Variants in CDK5RAP2 observed in about 807,000 individuals in gnomAD.
CDK5RAP2 encodes the protein CDK5 regulatory subunit associated protein 2, also known as CDK5 regulatory subunit-associated protein 2.
Under a neutral mutation model 232.9 loss-of-function variants are expected in CDK5RAP2, and 147 were observed. The observed-to-expected ratio is 0.63, with a 90% CI of 0.55 to 0.72. CDK5RAP2 has a LOEUF of 0.72. Among genes scored for constraint, CDK5RAP2 ranks in the 30% least tolerant of loss-of-function variants. CDK5RAP2 has a pLI of 0.00. For missense variants in CDK5RAP2, 2,195 were observed against 2,231.5 expected (o/e 0.98, Z 0.33); for synonymous variants, 833 against 833.7 (o/e 1.00, Z 0.01).
chr9:120,512,594 T>C (rs1169952567), intron 12 of CDK5RAP2, among the ~76,000 whole-genome samples: 1 of 152,188 alleles, frequency 6.6e-6, no homozygotes, highest in East Asian at 1.9e-4. Context: ...GCTGAAAATA[T>C]ACCAATCTTC....
At chr9:120,415,245 C>T in intron 27 of CDK5RAP2, 86 bp from the exon 28 acceptor site, 1 of 1,488,108 alleles carries the variant, frequency 6.7e-7, no homozygotes. Context: ...TCCTGAAATT[C>T]CAAACAGTAT....
Position 120,539,097 on chromosome 9 carries a change from T to C in CDK5RAP2, c.451A>G (p.Lys151Glu). The C allele has an allele frequency of 3.7e-6, 6 of 1,614,020 alleles. No individual in the cohort carries two copies. Among genetic ancestry groups the C allele is most frequent in the Non-Finnish European group, 5.1e-6 (6 of 1,179,868 alleles). The change falls in exon 6 of 38, where the codon AAG becomes GAG. Residue 151 changes from lysine (K) to glutamate (E), a missense_variant. Lys to Glu is a moderately conservative substitution (Grantham distance 56). Transcript: ENST00000349780. ...AGATCTTCCACCTGCTGCACCTTCT[T>C]TCGAGCATCTTCTTTCACCCGCTGG... ...EIQRVKEDARKKVQQVEDLLT... is the reference protein window; with the variant it reads ...EIQRVKEDAREKVQQVEDLLT...
At chr9:120,556,364 A>G (rs931972622) in intron 3 of CDK5RAP2, among the ~76,000 whole-genome samples, 3 of 152,204 alleles carry the variant, frequency 2.0e-5, no homozygotes, top group Admixed American at 2.0e-4. Flanking sequence ...ATAAACACTC[A>G]TCACGTATTT....
intron 31 of CDK5RAP2, chr9:120,408,092 G>A: frequency 2.0e-6 from 1 of 512,154 alleles, no homozygotes; most frequent in Admixed American, 3.1e-5. Flanking sequence ...GCCTACTGAG[G>A]GTCACATAGC....
chr9:120,519,002 C>T (rs1285656915), intron 11 of CDK5RAP2, among the ~76,000 whole-genome samples: 5 of 151,822 alleles, frequency 3.3e-5, no homozygotes, highest in Admixed American at 3.3e-4. Context: ...CGGTGAAACC[C>T]CGTCTCTACT....
At chr9:120,393,887 C>G (rs1034274368) in intron 36 of CDK5RAP2, among the ~76,000 whole-genome samples, 2 of 152,196 alleles carry the variant, frequency 1.3e-5, no homozygotes, top group Admixed American at 6.5e-5. Context: ...CAGCCTCCCC[C>G]TCACTGGTGG....
At chr9:120,409,995 G>A (rs867391221) in intron 29 of CDK5RAP2, among the ~76,000 whole-genome samples, 91 of 152,316 alleles carry the variant, frequency 6.0e-4, no homozygotes, top group African/African-American at 1.9e-3. Context: ...AGCTTCATAA[G>A]GACGAGTTCC....
chr9:120,519,824 C>A (rs1468716798), intron 11 of CDK5RAP2, among the ~76,000 whole-genome samples: 1 of 152,032 alleles, frequency 6.6e-6, no homozygotes, highest in Non-Finnish European at 1.5e-5. Flanking sequence ...TTGAGAGATT[C>A]TCTCTGTTAT....
At chr9:120,476,855 C>T (rs1175614106) in intron 15 of CDK5RAP2, among the ~76,000 whole-genome samples, 1 of 152,122 alleles carries the variant, frequency 6.6e-6, no homozygotes. Context: ...CCCCACCACA[C>T]CTTGCTGGCA....
Position 120,453,525 on chromosome 9 carries a change from C to T in CDK5RAP2, c.2724G>A (p.Arg908=). 6.2e-7 allele frequency: 1 copy of T among 1,614,064 alleles called. No individual in the cohort carries two copies. The highest frequency in any genetic ancestry group is 8.5e-7 in the Non-Finnish European group (1 of 1,180,032). ...CAGGCACCCCGTGCAGGTTCTCTGG[C>T]CGATGCTCTGCGCTGAGTGCAGTGT... ...PINTALSAEH[R]PENLHGVPGW... is the part of the protein sequence containing the mutation. Residue 908 remains arginine, a synonymous_variant, in exon 21 of 38, where the codon CGG becomes CGA. Transcript: ENST00000349780.
chr9:120,408,554 AC>A, intron 30 of CDK5RAP2, 86 bp from the exon 31 acceptor site: 1 of 1,431,984 alleles, frequency 7.0e-7, no homozygotes, highest in South Asian at 1.2e-5. Flanking sequence ...GGCCAATTCC[AC>A]CCTCAGTCAC....
rs112850307 is a variant in CDK5RAP2 at position 120,578,626 on chromosome 9, G to A, written c.59+1294C>T. 1.3e-3 allele frequency among the ~76,000 whole-genome samples: 196 copies of A among 151,482 alleles called. 1 individual carries two copies. The highest frequency in any genetic ancestry group is 4.3e-3 in the African/African-American group (176 of 41,234). On this transcript the variant is annotated intron_variant, in intron 1 of 37. Transcript: ENST00000349780. ...TTGTCACCCAGGCTACAGTGCAGTG[G>A]CATGAACACAGCTCACTGCAGCATC...
intron 3 of CDK5RAP2, among the ~76,000 whole-genome samples, chr9:120,551,555 C>T (rs988661971): frequency 8.5e-5 from 13 of 152,162 alleles, no homozygotes; most frequent in Non-Finnish European, 2.9e-5. Flanking sequence ...TGTCTATAAC[C>T]TTTAACCTGT....
chr9:120,483,238 T>TCA lies in CDK5RAP2; in HGVS notation c.1626+4054_1626+4055dup, dbSNP rs1347774565. Among the ~76,000 whole-genome samples the TCA allele has an allele frequency of 2.0e-5, 3 of 152,344 alleles. No individual in the cohort carries two copies. The East Asian group carries it at 5.8e-4, about 29-fold the overall frequency. On this transcript the variant is annotated intron_variant, in intron 14 of 37. Transcript: ENST00000349780. ...ACCCCGCTCACCGCATTCCCCTGCC[T>TCA]CACCTGAGAACTGTCCCTAAAACAC...
At chr9:120,471,636 G>A (rs890140318) in intron 16 of CDK5RAP2, 112 bp downstream of exon 16, 38 of 1,486,036 alleles carry the variant, frequency 2.6e-5, no homozygotes, top group African/African-American at 2.2e-4. Context: ...ATCTCCAAAC[G>A]AAACCCCGTG....
chr9:120,415,385 A>G (rs2034151394), intron 27 of CDK5RAP2, among the ~76,000 whole-genome samples: 1 of 152,208 alleles, frequency 6.6e-6, no homozygotes, highest in Non-Finnish European at 1.5e-5. Flanking sequence ...GATATTTTAC[A>G]TCACATAGAA....
chr9:120,438,460 C>T (rs2131321452), intron 24 of CDK5RAP2, among the ~76,000 whole-genome samples: 1 of 152,228 alleles, frequency 6.6e-6, no homozygotes, highest in South Asian at 2.1e-4. Flanking sequence ...ACTGGAGTAA[C>T]ATGGGTAAAC....
intron 3 of CDK5RAP2, among the ~76,000 whole-genome samples, chr9:120,562,777 C>T (rs1433359636): frequency 6.6e-6 from 1 of 151,856 alleles, no homozygotes. Flanking sequence ...CCACAGTAGC[C>T]GCCCTGTTTG....
rs2041016826 is a variant in CDK5RAP2 at position 120,528,765 on chromosome 9, GTT to G, written c.856_857del (p.Asn286GlnfsTer3). 1 of 1,608,942 alleles carries G rather than the reference GTT, an allele frequency of 6.2e-7. No individual in the cohort carries two copies. Among genetic ancestry groups the G allele is most frequent in the Admixed American group, 1.7e-5 (1 of 59,994 alleles). On this transcript the variant is annotated frameshift_variant, in exon 9 of 38. Coordinates refer to ENST00000349780, the MANE Select transcript of CDK5RAP2 (RefSeq NM_018249.6). LOFTEE classifies it high-confidence loss of function. ...ATACCTGGATCCTCTCTTCAAAGCTGTTTCTCTCCTTCTGATGCTCCATTTGT... is the reference window on the plus strand; with the variant it reads ...ATACCTGGATCCTCTCTTCAAAGCTGTCTCTCCTTCTGATGCTCCATTTGT... ...AAQMEHQKER[N>X]SFEERIQALE...
Sources: gnomAD v4.1 joint callset for allele counts (sites outside exome capture counted in the v4.1 genomes callset) on GRCh38, gnomAD v4.1.1 for gene constraint, MANE v1.5 for transcripts, NCBI Gene and HGNC (gene_info 2026-07-23, HGNC 2026-07-21) for gene names.